The following IQCH variants were observed in gnomAD, a reference collection of about 807,000 sequenced individuals.
The protein encoded by IQCH is IQ domain-containing protein H.
Under a neutral mutation model 117.0 loss-of-function variants are expected in IQCH, and 98 were observed. The observed-to-expected ratio is 0.84, with a 90% CI of 0.71 to 0.99. The LOEUF is 0.99. Ranked by LOEUF, IQCH falls within the 50% of genes least tolerant of loss-of-function variation. The probability of loss-of-function intolerance (pLI) is 0.00; values close to 1 mark genes in which losing one functional copy is unlikely to be tolerated. For missense variants in IQCH, 1,102 were observed against 1,243.8 expected, an observed-to-expected ratio of 0.89 and a Z score of 1.72; for synonymous variants, 412 against 448.2, an observed-to-expected ratio of 0.92 and a Z score of 1.02.
chr15:67,464,604 G>T (rs1023701065), intron 16 of IQCH, among the ~76,000 whole-genome samples: 4 of 152,182 alleles, frequency 2.6e-5, no homozygotes, highest in Non-Finnish European at 5.9e-5. Context: ...GAAAATGGGG[G>T]TAGACCTAAG....
chr15:67,301,426 T>TTTTC (rs1454568673), intron 4 of IQCH, among the ~76,000 whole-genome samples: 1 of 142,602 alleles, frequency 7.0e-6, no homozygotes, highest in African/African-American at 2.6e-5. Flanking sequence ...TTTTTTTTTT[T>TTTTC]TGAAACCGAG....
intron 10 of IQCH, among the ~76,000 whole-genome samples, chr15:67,380,561 TA>T (rs1320878581): frequency 4.6e-5 from 7 of 152,238 alleles, no homozygotes; most frequent in African/African-American, 1.7e-4. Flanking sequence ...GTCTAGATCA[TA>T]GTTCTCTATT....
At chr15:67,367,555 C>T (rs932291749) in intron 8 of IQCH, among the ~76,000 whole-genome samples, 8 of 151,870 alleles carry the variant, frequency 5.3e-5, no homozygotes, top group Non-Finnish European at 7.4e-5. Flanking sequence ...TAATAATTAT[C>T]GTTCAGTTTT....
In IQCH at chr15:67,254,868, C is replaced by T. The variant is rs752444584; in HGVS notation, c.-29C>T. 1.5e-5 allele frequency: 24 copies of T among 1,610,610 alleles called. No individual in the cohort carries two copies. The highest frequency in any genetic ancestry group is 1.6e-5 in the Non-Finnish European group (19 of 1,178,038). ...TTTCCGTGCTTGGAAACCGCGCCTC[C>T]GCGGAGGTAGCCGTTCCCTGACCTA... On this transcript the variant is annotated 5_prime_UTR_variant, in exon 1 of 21. Coordinates refer to ENST00000335894, the MANE Select transcript of IQCH (RefSeq NM_001031715.3).
intron 3 of IQCH, among the ~76,000 whole-genome samples, chr15:67,266,895 T>C (rs907264206): frequency 2.0e-5 from 3 of 152,242 alleles, no homozygotes; most frequent in African/African-American, 7.2e-5. Flanking sequence ...TGTTCATGGA[T>C]GCTTATTATC....
intron 16 of IQCH, among the ~76,000 whole-genome samples, chr15:67,442,164 A>AC (rs1405831419): frequency 1.3e-5 from 2 of 151,932 alleles, no homozygotes; most frequent in African/African-American, 4.8e-5. Flanking sequence ...TAATCCCAGC[A>AC]CTTCGGGAGG....
In IQCH at chr15:67,376,330, T is replaced by C. The variant is rs1424082119; in HGVS notation, c.1372+2897T>C. ...TACAATTCATAAAAATAGAAGTGGA[T>C]GAAAGTGAAGCAAATTTTTTCTCTA... On this transcript the variant is annotated intron_variant, in intron 10 of 20. Coordinates refer to ENST00000335894, the MANE Select transcript of IQCH (RefSeq NM_001031715.3). This position sits in a 1 kb window ranked among gnomAD's most constrained non-coding sequence, Gnocchi z 5.0. Among the ~76,000 whole-genome samples, 3 of 152,186 alleles carry C rather than the reference T, an allele frequency of 2.0e-5. No homozygotes were observed. The highest frequency in any genetic ancestry group is 4.4e-5 in the Non-Finnish European group (3 of 68,024).
chr15:67,366,744 G>A lies in IQCH; in HGVS notation c.754-5367G>A, dbSNP rs141171391. On this transcript the variant is annotated intron_variant, in intron 8 of 20. Coordinates refer to ENST00000335894, the MANE Select transcript of IQCH (RefSeq NM_001031715.3). The surrounding 1 kb of genome is among the most constrained non-coding windows in gnomAD (Gnocchi z 4.4). ...ACAGTTTCTAGATATTATGAACTGAGAGCCATTGACTTGCAGGCCCCAGAA... is the reference window on the plus strand; with the variant it reads ...ACAGTTTCTAGATATTATGAACTGAAAGCCATTGACTTGCAGGCCCCAGAA... Among the ~76,000 whole-genome samples the A allele has an allele frequency of 6.2e-4, 95 of 152,262 alleles. 1 individual carries two copies. The highest frequency in any genetic ancestry group is 4.3e-3 in the Admixed American group (65 of 15,290).
chr15:67,355,055 A>T (rs1969831083), intron 6 of IQCH, among the ~76,000 whole-genome samples: 1 of 152,190 alleles, frequency 6.6e-6, no homozygotes, highest in African/African-American at 2.4e-5. Flanking sequence ...TAACATTAGG[A>T]TTATAGACAT....
chr15:67,255,084 A>T, intron 1 of IQCH, 137 bp downstream of exon 1: 1 of 832,086 alleles, frequency 1.2e-6, no homozygotes. Context: ...GAGGCTCCCA[A>T]AAATGCCCAC....
At chr15:67,314,602 T>A (rs1967760477) in intron 4 of IQCH, among the ~76,000 whole-genome samples, 1 of 152,132 alleles carries the variant, frequency 6.6e-6, no homozygotes, top group South Asian at 2.1e-4. Flanking sequence ...TGTTCTTATT[T>A]AAAATAGGAG....
chr15:67,354,190 A>G (rs924804886), intron 6 of IQCH, among the ~76,000 whole-genome samples: 1 of 152,242 alleles, frequency 6.6e-6, no homozygotes, highest in Non-Finnish European at 1.5e-5. Context: ...ACATAGATCA[A>G]TCTTATTTAG....
intron 4 of IQCH, chr15:67,307,272 A>G (rs2140549426): frequency 1.7e-6 from 1 of 605,546 alleles, no homozygotes; most frequent in East Asian, 1.4e-4. Flanking sequence ...TACTATTATG[A>G]TTTCTAGATT....
chr15:67,448,283 T>C (rs956581792), intron 16 of IQCH, among the ~76,000 whole-genome samples: 1 of 152,016 alleles, frequency 6.6e-6, no homozygotes, highest in Non-Finnish European at 1.5e-5. Context: ...TGCAGGTTTG[T>C]TACATATGTA....
rs1211515783 is a variant in IQCH, at chr15:67,475,479, AAAAAT to A, written c.2677-207_2677-203del. Among the ~76,000 whole-genome samples, 5 of 152,218 alleles carry A rather than the reference AAAAAT, an allele frequency of 3.3e-5. No individual in the cohort carries two copies. Among genetic ancestry groups the A allele is most frequent in the South Asian group, 2.1e-4 (1 of 4,830 alleles). On this transcript the variant is annotated intron_variant, in intron 17 of 20. Transcript: ENST00000335894. This position sits in a 1 kb window ranked among gnomAD's most constrained non-coding sequence, Gnocchi z 5.7. ...GGTGACAAAGTGAGACCCTGTCTCA[AAAAAT>A]AAAATAAAAATAAAAAGTAATGTAG...
intron 4 of IQCH, among the ~76,000 whole-genome samples, chr15:67,298,733 G>A (rs1367788290): frequency 1.3e-5 from 2 of 152,014 alleles, no homozygotes; most frequent in Non-Finnish European, 2.9e-5. Context: ...GGGTGTGTTG[G>A]TGCATGCCTG....
chr15:67,312,641 C>T (rs996746522), intron 4 of IQCH, among the ~76,000 whole-genome samples: 20 of 152,108 alleles, frequency 1.3e-4, no homozygotes, highest in African/African-American at 4.8e-4. Context: ...TGCCTAATTA[C>T]TGTTGCTTTT....
intron 10 of IQCH, 36 bp downstream of exon 10, chr15:67,373,469 T>C: frequency 7.6e-7 from 1 of 1,320,862 alleles, no homozygotes; most frequent in Non-Finnish European, 1.1e-6. Context: ...ATCAGCAACC[T>C]CTATTACCCA....
Position 67,457,429 on chromosome 15 carries a change from C to G in IQCH, c.2506-7698C>G, listed in dbSNP as rs4325503. On this transcript the variant is annotated intron_variant, in intron 16 of 20. Coordinates refer to ENST00000335894, the MANE Select transcript of IQCH (RefSeq NM_001031715.3). This position sits in a 1 kb window ranked among gnomAD's most constrained non-coding sequence, Gnocchi z 5.7. ...GTTTATAATAGCTGGGATTCTGAGG[C>G]CTGTATTTAAATAGCATCTGCAAAG... 1.2e-4 allele frequency among the ~76,000 whole-genome samples: 19 copies of G among 152,296 alleles called. No homozygotes were observed. The highest frequency in any genetic ancestry group is 4.6e-4 in the African/African-American group (19 of 41,556).
Sources: gnomAD v4.1 joint callset for allele counts (sites outside exome capture counted in the v4.1 genomes callset) on GRCh38, gnomAD v4.1.1 for gene constraint, Gnocchi (gnomAD v3.1) non-coding constraint, MANE v1.5 for transcripts, NCBI Gene and HGNC (gene_info 2026-07-23, HGNC 2026-07-21) for gene names.